Variants in MYO1D observed in about 807,000 individuals in gnomAD.
The protein encoded by MYO1D is myosin ID.
Under a neutral mutation model 122.0 loss-of-function variants are expected in MYO1D, and 83 were observed. The ratio of observed to expected loss-of-function variants is 0.68; its 90% CI spans 0.57 to 0.82. MYO1D has a LOEUF of 0.82. Ranked by LOEUF, MYO1D falls within the 40% of genes least tolerant of loss-of-function variation. The pLI is 0.00. For synonymous variants in MYO1D, 464 were observed against 446.9 expected, an observed-to-expected ratio of 1.04 and a Z score of -0.48; for missense variants, 1,157 against 1,269.5, an observed-to-expected ratio of 0.91 and a Z score of 1.35.
At chr17:32,813,815 G>C (rs921015614) in intron 1 of MYO1D, among the ~76,000 whole-genome samples, 9 of 152,196 alleles carry the variant, frequency 5.9e-5, no homozygotes, top group African/African-American at 2.2e-4. Flanking sequence ...ACCTACACTA[G>C]AGCATGGTGG....
At position 32,852,266 on chromosome 17, in the gene MYO1D, C is replaced by T. The variant is rs190696569; in HGVS notation, c.95+24512G>A. Among the ~76,000 whole-genome samples the T allele has an allele frequency of 1.7e-3, 252 of 152,238 alleles. 1 individual carries two copies. The highest frequency in any genetic ancestry group is 5.6e-3 in the African/African-American group (232 of 41,542). On this transcript the variant is annotated intron_variant, in intron 1 of 21. Coordinates refer to ENST00000318217, the MANE Select transcript of MYO1D (RefSeq NM_015194.3). The stretch of plus-strand genomic sequence containing the variant: ...TCAGTCTCCCCAGTAGCTGGGACTA[C>T]GGGCACATGCTACCACACCTGGCTA...
rs920264996 is a variant in MYO1D, at chr17:32,778,460, CATT to C, written c.398+17_398+19del. The C allele has an allele frequency of 6.3e-6, 10 of 1,598,780 alleles. No homozygotes were observed. The Middle Eastern group carries it at 6.6e-4, about 106-fold the overall frequency. On this transcript the variant is annotated intron_variant, in intron 3 of 21. Transcript: ENST00000318217. ...AAACAGAGTGCTAAGAATTCCTCCC[CATT>C]ATTAGAGTGCTCTTACCTTTCAACC...
chr17:32,621,627 G>T (rs2087856188), intron 20 of MYO1D, among the ~76,000 whole-genome samples: 1 of 152,136 alleles, frequency 6.6e-6, no homozygotes. Context: ...TTACCTTGCA[G>T]GTACTTTCTC....
intron 20 of MYO1D, among the ~76,000 whole-genome samples, chr17:32,635,753 T>G (rs2088090318): frequency 6.6e-6 from 1 of 152,058 alleles, no homozygotes; most frequent in Non-Finnish European, 1.5e-5. Flanking sequence ...AGTCTGTCCT[T>G]GGAGCAAGAA....
At chr17:32,579,034 G>C (rs896141628) in intron 21 of MYO1D, among the ~76,000 whole-genome samples, 3 of 152,090 alleles carry the variant, frequency 2.0e-5, no homozygotes, top group Non-Finnish European at 2.9e-5. Flanking sequence ...ACTGTTTTCA[G>C]AACAGTGGCA....
chr17:32,616,342 TCA>T (rs1289692802), intron 20 of MYO1D, among the ~76,000 whole-genome samples: 2 of 152,182 alleles, frequency 1.3e-5, no homozygotes, highest in Non-Finnish European at 2.9e-5. Flanking sequence ...AGTCAGGGTC[TCA>T]CTCTGTTGCC....
intron 6 of MYO1D, 65 bp downstream of exon 6, chr17:32,771,060 T>C: frequency 1.6e-6 from 2 of 1,241,632 alleles, no homozygotes; most frequent in Non-Finnish European, 2.3e-6. Context: ...AGATAATTAT[T>C]GAATGTCTCT....
intron 16 of MYO1D, among the ~76,000 whole-genome samples, chr17:32,676,859 G>T (rs760597664): frequency 1.1e-4 from 16 of 146,838 alleles, no homozygotes; most frequent in Non-Finnish European, 1.8e-4. Flanking sequence ...CGCCCAGACT[G>T]GAGTGCAGTG....
intron 1 of MYO1D, among the ~76,000 whole-genome samples, chr17:32,855,170 T>C (rs1302756837): frequency 1.3e-5 from 2 of 152,224 alleles, no homozygotes; most frequent in Non-Finnish European, 2.9e-5. Context: ...CATGATTTCC[T>C]TGAGGACTCC....
chr17:32,620,730 C>T (rs1015396748), intron 20 of MYO1D, among the ~76,000 whole-genome samples: 1 of 152,184 alleles, frequency 6.6e-6, no homozygotes, highest in Non-Finnish European at 1.5e-5. Context: ...GAAGGCCCAA[C>T]TTCTTATTCT....
intron 21 of MYO1D, among the ~76,000 whole-genome samples, chr17:32,511,864 C>A (rs1243818939): frequency 2.6e-5 from 4 of 152,184 alleles, no homozygotes; most frequent in Non-Finnish European, 5.9e-5. Context: ...TCACCATTAT[C>A]AAGAAGCATT....
chr17:32,773,545 C>T (rs972056454), intron 4 of MYO1D, among the ~76,000 whole-genome samples: 3 of 148,760 alleles, frequency 2.0e-5, no homozygotes, highest in African/African-American at 2.5e-5. Context: ...CACCCCCCGA[C>T]CCCGGCCCAT....
chr17:32,527,121 C>T (rs1910369256), intron 21 of MYO1D, among the ~76,000 whole-genome samples: 1 of 152,200 alleles, frequency 6.6e-6, no homozygotes. Context: ...CCGCCATCAC[C>T]AGTGAAGGGG....
intron 21 of MYO1D, among the ~76,000 whole-genome samples, chr17:32,542,269 A>C (rs1205686434): frequency 3.9e-4 from 59 of 152,204 alleles, no homozygotes; most frequent in Non-Finnish European, 1.5e-5. Flanking sequence ...AAAAGAAAAG[A>C]AAGCATTTTC....
chr17:32,721,307 G>C (rs2089508056), intron 14 of MYO1D, 118 bp from the exon 15 acceptor site: 1 of 902,716 alleles, frequency 1.1e-6, no homozygotes, highest in Non-Finnish European at 1.7e-6. Flanking sequence ...TAATTTCTCA[G>C]GCATACACTT....
At chr17:32,643,617 A>C (rs2088239138) in intron 19 of MYO1D, among the ~76,000 whole-genome samples, 1 of 152,310 alleles carries the variant, frequency 6.6e-6, no homozygotes, top group East Asian at 1.9e-4. Context: ...TGGTCTATTA[A>C]GAGATTCACC....
At chr17:32,502,330 T>G (rs1909343734) in intron 21 of MYO1D, among the ~76,000 whole-genome samples, 1 of 152,180 alleles carries the variant, frequency 6.6e-6, no homozygotes, top group South Asian at 2.1e-4. Context: ...ATTGTATAAC[T>G]ACATTTATAT....
intron 1 of MYO1D, among the ~76,000 whole-genome samples, chr17:32,796,633 C>T (rs1011167207): frequency 2.6e-5 from 4 of 152,152 alleles, no homozygotes; most frequent in East Asian, 1.9e-4. Flanking sequence ...AAGCTGTTCT[C>T]GAACTCCTAA....
intron 20 of MYO1D, among the ~76,000 whole-genome samples, chr17:32,625,157 A>G (rs2087910611): frequency 6.6e-6 from 1 of 152,114 alleles, no homozygotes; most frequent in Admixed American, 6.5e-5. Context: ...CAATACAAAC[A>G]CTCTCATCTT....
Sources: allele counts gnomAD v4.1 joint callset (sites outside exome capture counted in the v4.1 genomes callset), GRCh38; gene constraint gnomAD v4.1.1; transcripts MANE v1.5; gene names NCBI Gene and HGNC (gene_info 2026-07-23, HGNC 2026-07-21).